Variants in CLASP1 observed in about 807,000 individuals in gnomAD.
CLASP1 encodes CLIP-associating protein 1.
In CLASP1, 38 loss-of-function variants were observed where a neutral mutation model predicts 192.3. The observed-to-expected ratio is 0.20, with a 90% confidence interval of 0.15 to 0.26. The LOEUF (loss-of-function observed/expected upper bound fraction) is 0.26, where lower values mean the gene tolerates loss of function less well. CLASP1 is among the 10% of genes least tolerant of loss of function. CLASP1 has a pLI of 1.00. For synonymous variants in CLASP1, 691 were observed against 712.8 expected, an observed-to-expected ratio of 0.97 and a Z score of 0.49; for missense variants, 1,433 against 1,932.5, an observed-to-expected ratio of 0.74 and a Z score of 4.85.
chr2:121,362,399 C>T (rs2066585557), intron 37 of CLASP1, among the ~76,000 whole-genome samples: 1 of 152,222 alleles, frequency 6.6e-6, no homozygotes, highest in African/African-American at 2.4e-5. Flanking sequence ...GCTGAGTGTG[C>T]ACCCTCTGTG....
chr2:121,451,922 G>T, intron 14 of CLASP1, 73 bp from the exon 15 acceptor site: 1 of 971,240 alleles, frequency 1.0e-6, no homozygotes, highest in Non-Finnish European at 1.6e-6. Context: ...TTTTTCTTAA[G>T]TGACCCAATA....
At chr2:121,601,274 T>G (rs1446867413) in intron 2 of CLASP1, among the ~76,000 whole-genome samples, 1 of 135,620 alleles carries the variant, frequency 7.4e-6, no homozygotes, top group Non-Finnish European at 1.7e-5. Flanking sequence ...CGTTCAGCAT[T>G]TTTTTTTTTT....
chr2:121,552,840 G>T (rs994246591), intron 2 of CLASP1, among the ~76,000 whole-genome samples: 2 of 152,186 alleles, frequency 1.3e-5, no homozygotes, highest in African/African-American at 4.8e-5. Context: ...CCATTACTGG[G>T]TATATACCCA....
At chr2:121,517,106 G>A (rs1235202105) in intron 6 of CLASP1, among the ~76,000 whole-genome samples, 4 of 152,210 alleles carry the variant, frequency 2.6e-5, no homozygotes, top group Admixed American at 1.3e-4. Flanking sequence ...ATGTATGTAT[G>A]TGTGTACACA....
At chr2:121,644,453 C>T (rs1480982710) in intron 1 of CLASP1, among the ~76,000 whole-genome samples, 1 of 151,982 alleles carries the variant, frequency 6.6e-6, no homozygotes, top group African/African-American at 2.4e-5. Context: ...AGTTTGAGAT[C>T]AGCCTGGCCC....
intron 1 of CLASP1, among the ~76,000 whole-genome samples, chr2:121,624,699 G>A (rs1357076197): frequency 3.3e-5 from 5 of 152,242 alleles, no homozygotes; most frequent in South Asian, 2.1e-4. Flanking sequence ...TTACAGGCAT[G>A]AGCCAGTGCG....
chr2:121,443,125 T>G (rs1242549960), intron 19 of CLASP1, among the ~76,000 whole-genome samples: 1 of 152,190 alleles, frequency 6.6e-6, no homozygotes, highest in South Asian at 2.1e-4. Context: ...ACACTGACAC[T>G]CCCTATGCTT....
At chr2:121,571,968 C>CAA (rs562311464) in intron 2 of CLASP1, among the ~76,000 whole-genome samples, 1 of 125,692 alleles carries the variant, frequency 8.0e-6, no homozygotes, top group Non-Finnish European at 1.7e-5. Context: ...GTACTGATTA[C>CAA]AAAAAAAAAA....
chr2:121,506,088 T>C (rs772684433), intron 7 of CLASP1, among the ~76,000 whole-genome samples: 1 of 152,156 alleles, frequency 6.6e-6, no homozygotes, highest in Non-Finnish European at 1.5e-5. Context: ...AATATTGTGA[T>C]CATAAAACAG....
chr2:121,345,343 TGGG>T (rs961900838), intron 39 of CLASP1, among the ~76,000 whole-genome samples: 4 of 151,986 alleles, frequency 2.6e-5, no homozygotes, highest in Non-Finnish European at 4.4e-5. Context: ...AATTGCCAAA[TGGG>T]GAGGAGAAAA....
intron 8 of CLASP1, among the ~76,000 whole-genome samples, chr2:121,479,670 C>T (rs1030056687): frequency 6.6e-6 from 1 of 152,166 alleles, no homozygotes; most frequent in African/African-American, 2.4e-5. Flanking sequence ...TAAGTTCCTA[C>T]CTCCCCTTCT....
intron 23 of CLASP1, among the ~76,000 whole-genome samples, chr2:121,416,949 A>C (rs1329314236): frequency 1.3e-5 from 2 of 152,222 alleles, no homozygotes; most frequent in Admixed American, 6.5e-5. Context: ...CTTGCTGGAC[A>C]TAAGTTTTAG....
chr2:121,448,816 G>T, intron 17 of CLASP1, 137 bp downstream of exon 17: 1 of 798,594 alleles, frequency 1.3e-6, no homozygotes, highest in Non-Finnish European at 2.0e-6. Flanking sequence ...ATCTTACTTT[G>T]CACCAGGATC....
intron 8 of CLASP1, among the ~76,000 whole-genome samples, chr2:121,478,783 C>A (rs746645557): frequency 2.7e-4 from 9 of 33,564 alleles, no homozygotes; most frequent in African/African-American, 5.5e-4. Flanking sequence ...ACACACACAC[C>A]CCACACACAC....
chr2:121,338,064 CTTCT>C (rs1213791274), exon 40 of CLASP1: 1 of 152,258 alleles, frequency 6.6e-6, no homozygotes, highest in Non-Finnish European at 1.5e-5. Context: ...TTTCAGAGCA[CTTCT>C]TTATTTCCAA....
At chr2:121,643,866 A>G (rs2072613325) in intron 1 of CLASP1, among the ~76,000 whole-genome samples, 1 of 152,220 alleles carries the variant, frequency 6.6e-6, no homozygotes, top group Non-Finnish European at 1.5e-5. Context: ...TCATCTAAGA[A>G]TCATCTAAAG....
chr2:121,365,614 T>A (rs1261854957), intron 35 of CLASP1, among the ~76,000 whole-genome samples: 1 of 152,170 alleles, frequency 6.6e-6, no homozygotes, highest in East Asian at 1.9e-4. Context: ...AAGCCCCTCC[T>A]CAACCCTTTT....
intron 32 of CLASP1, among the ~76,000 whole-genome samples, chr2:121,383,435 T>C (rs901246143): frequency 2.6e-5 from 4 of 152,048 alleles, no homozygotes; most frequent in Non-Finnish European, 5.9e-5. Context: ...GGTGAGGGCA[T>C]AGGAGGGATG....
chr2:121,528,058 G>C (rs962866727), intron 4 of CLASP1, among the ~76,000 whole-genome samples, 168 bp from the exon 5 acceptor site: 1 of 152,200 alleles, frequency 6.6e-6, no homozygotes, highest in South Asian at 2.1e-4. Flanking sequence ...CATCTATCAT[G>C]TTATCAAGTA....
Sources: gnomAD v4.1 joint callset for allele counts (sites outside exome capture counted in the v4.1 genomes callset) on GRCh38, gnomAD v4.1.1 for gene constraint, MANE v1.5 for transcripts, NCBI Gene and HGNC (gene_info 2026-07-23, HGNC 2026-07-21) for gene names.